Variants in METTL16 observed in about 807,000 individuals in gnomAD.
METTL16 encodes the protein methyltransferase 16, RNA N6-adenosine, also known as RNA N(6)-adenosine-methyltransferase METTL16.
A neutral mutation model predicts 57.9 loss-of-function variants in METTL16; 19 were observed. The observed-to-expected ratio is 0.33, with a 90% confidence interval of 0.23 to 0.48. The LOEUF (loss-of-function observed/expected upper bound fraction) is 0.48. Ranked by LOEUF, METTL16 falls within the 20% of genes least tolerant of loss-of-function variation. The probability of loss-of-function intolerance (pLI) is 0.99; values close to 1 mark genes in which losing one functional copy is unlikely to be tolerated. For missense variants in METTL16, 434 were observed against 691.5 expected, an observed-to-expected ratio of 0.63 and a Z score of 4.18; for synonymous variants, 246 against 255.6, an observed-to-expected ratio of 0.96 and a Z score of 0.36.
In METTL16 at chr17:2,417,068, T is replaced by TTTTTTTTTTTTTC. The variant is rs2082709556; in HGVS notation, c.*2901_*2902insGAAAAAAAAAAAA. ...CCTGCTCATGGGTTCCTTTTTTTTT[T>TTTTTTTTTTTTTC]TTTTTTTTTTTTTTTTTGAGACAGT... On this transcript the variant is annotated 3_prime_UTR_variant, in exon 10 of 10. Coordinates refer to ENST00000263092, the MANE Select transcript of METTL16 (RefSeq NM_024086.4). 1.6e-5 allele frequency: 2 copies of TTTTTTTTTTTTTC among 121,364 alleles called. No homozygotes were observed. Among genetic ancestry groups the TTTTTTTTTTTTTC allele is most frequent in the Non-Finnish European group, 3.4e-5 (2 of 59,290 alleles). 7.5% of individuals were successfully genotyped at this position (121,364 alleles called of 1,614,324 possible).
intron 6 of METTL16, among the ~76,000 whole-genome samples, chr17:2,446,152 C>G (rs1203721695): frequency 6.6e-6 from 1 of 151,996 alleles, no homozygotes; most frequent in African/African-American, 2.4e-5. Context: ...ATCTAAGAAA[C>G]AAACAAAACC....
chr17:2,494,959 C>T (rs568620375), intron 2 of METTL16, among the ~76,000 whole-genome samples: 21 of 151,772 alleles, frequency 1.4e-4, no homozygotes, highest in Non-Finnish European at 2.8e-4. Flanking sequence ...ATTTAAGAAA[C>T]ATTTTAAGGC....
chr17:2,478,155 G>T (rs998957947), intron 2 of METTL16, among the ~76,000 whole-genome samples: 2 of 152,134 alleles, frequency 1.3e-5, no homozygotes, highest in Admixed American at 6.5e-5. Context: ...CTGTCTCGTC[G>T]TCTCCTCACT....
chr17:2,448,148 C>T (rs2067028219), intron 6 of METTL16, among the ~76,000 whole-genome samples: 3 of 146,722 alleles, frequency 2.0e-5, no homozygotes, highest in African/African-American at 5.0e-5. Flanking sequence ...CCCGGCCGGC[C>T]GCCCCGTCCG....
chr17:2,446,791 C>T (rs947707302), intron 6 of METTL16, among the ~76,000 whole-genome samples: 2 of 152,146 alleles, frequency 1.3e-5, no homozygotes, highest in Non-Finnish European at 2.9e-5. Context: ...CTGTGTTGGC[C>T]GGGCTGGTCT....
In METTL16 at chr17:2,417,503, T is replaced by C. The variant is rs1472875265; in HGVS notation, c.*2467A>G. ...CTGTGCTTCAATACACAGAGCATTC[T>C]CTGGAAATCCCTACGACACAGGCTT... On this transcript the variant is annotated 3_prime_UTR_variant, in exon 10 of 10. Transcript: ENST00000263092. 1.3e-5 allele frequency: 2 copies of C among 152,184 alleles called. No individual in the cohort carries two copies. Among genetic ancestry groups the C allele is most frequent in the African/African-American group, 4.8e-5 (2 of 41,436 alleles). 9.4% of individuals were successfully genotyped at this position (152,184 alleles called of 1,614,324 possible). A position where few individuals can be genotyped will look rare whatever the true frequency, so the allele number is the denominator to read the frequency against.
intron 6 of METTL16, among the ~76,000 whole-genome samples, chr17:2,451,435 A>T (rs1244371055): frequency 6.6e-6 from 1 of 152,096 alleles, no homozygotes; most frequent in Non-Finnish European, 1.5e-5. Flanking sequence ...CCTGGCCAAC[A>T]TGGGAAACCC....
chr17:2,492,043 C>G (rs543907245), intron 2 of METTL16, among the ~76,000 whole-genome samples: 124 of 151,178 alleles, frequency 8.2e-4, no homozygotes, highest in African/African-American at 2.9e-3. Context: ...AACCCTGTCT[C>G]TACTAAAAAT....
chr17:2,444,464 TA>T (rs899420566), intron 6 of METTL16, among the ~76,000 whole-genome samples: 1 of 151,926 alleles, frequency 6.6e-6, no homozygotes, highest in Non-Finnish European at 1.5e-5. Context: ...TAAAATAAAG[TA>T]AAATAAAATA....
At position 2,416,974 on chromosome 17, in the gene METTL16, A is replaced by G. The variant is rs1324757636; in HGVS notation, c.*2996T>C. ...TTCTCTCACTAGGTAGCCTAAGAAA[A>G]TCTTCTCAGGGAAGGAAATGGAAAC... On this transcript the variant is annotated 3_prime_UTR_variant, in exon 10 of 10. Coordinates refer to ENST00000263092, the MANE Select transcript of METTL16 (RefSeq NM_024086.4). 6.6e-6 allele frequency: 1 copy of G among 151,508 alleles called. No individual in the cohort carries two copies. The highest frequency in any genetic ancestry group is 1.5e-5 in the Non-Finnish European group (1 of 68,074). 9.4% of individuals were successfully genotyped at this position (151,508 alleles called of 1,614,324 possible).
In METTL16 at chr17:2,466,213, G is replaced by C. The variant is rs866365690; in HGVS notation, c.585+1548C>G. Among the ~76,000 whole-genome samples the C allele has an allele frequency of 3.3e-4, 44 of 134,158 alleles. 1 individual carries two copies. Among genetic ancestry groups the C allele is most frequent in the African/African-American group, 1.1e-3 (37 of 35,208 alleles). 88.0% of individuals were successfully genotyped at this position (134,158 alleles called of 152,430 possible). A position where few individuals can be genotyped will look rare whatever the true frequency, so the allele number is the denominator to read the frequency against. ...TGTCACAAAAAAAAAAAAAAAAAAAGCCACTTAACAGTAAAAACATTGATT... is the reference window on the plus strand; with the variant it reads ...TGTCACAAAAAAAAAAAAAAAAAAACCCACTTAACAGTAAAAACATTGATT... On this transcript the variant is annotated intron_variant, in intron 5 of 9. Coordinates refer to ENST00000263092, the MANE Select transcript of METTL16 (RefSeq NM_024086.4).
chr17:2,472,083 C>T (rs747348508), intron 4 of METTL16, among the ~76,000 whole-genome samples: 4 of 150,804 alleles, frequency 2.7e-5, no homozygotes, highest in Non-Finnish European at 5.9e-5. Context: ...CATTGCATTC[C>T]AGCCTGGGGA....
At chr17:2,427,027 C>T (rs1489481579) in intron 8 of METTL16, among the ~76,000 whole-genome samples, 1 of 151,698 alleles carries the variant, frequency 6.6e-6, no homozygotes, top group Non-Finnish European at 1.5e-5. Flanking sequence ...CCTGTAATCC[C>T]AGCTGCTCGG....
chr17:2,461,769 G>A (rs1208623106), intron 6 of METTL16, among the ~76,000 whole-genome samples: 1 of 151,956 alleles, frequency 6.6e-6, no homozygotes, highest in South Asian at 2.1e-4. Context: ...ACTAGAGACG[G>A]GGTTTCACCA....
At chr17:2,447,693 CGGGAGGG>C (rs2067016260) in intron 6 of METTL16, among the ~76,000 whole-genome samples, 1 of 139,354 alleles carries the variant, frequency 7.2e-6, no homozygotes, top group Non-Finnish European at 1.6e-5. Flanking sequence ...CCGCCCCGTC[CGGGAGGG>C]GGGAGGGGGG....
intron 1 of METTL16, among the ~76,000 whole-genome samples, chr17:2,509,221 CAATA>C (rs1355795719): frequency 1.3e-5 from 2 of 152,172 alleles, no homozygotes; most frequent in African/African-American, 2.4e-5. Flanking sequence ...AACCTGTATA[CAATA>C]AATATTTTTT....
chr17:2,444,024 AT>A (rs1179418494), intron 6 of METTL16, among the ~76,000 whole-genome samples: 1 of 152,220 alleles, frequency 6.6e-6, no homozygotes, highest in Non-Finnish European at 1.5e-5. Flanking sequence ...TAGACTTAAA[AT>A]GTTCTCACCA....
At chr17:2,464,459 A>G in intron 5 of METTL16, 109 bp from the exon 6 acceptor site, 1 of 1,032,842 alleles carries the variant, frequency 9.7e-7, no homozygotes, top group East Asian at 2.6e-5. Flanking sequence ...TTACTTTCCA[A>G]ATAGTATGCT....
chr17:2,502,013 T>G (rs2067492421), intron 2 of METTL16, among the ~76,000 whole-genome samples, 191 bp downstream of exon 2: 1 of 152,074 alleles, frequency 6.6e-6, no homozygotes, highest in Non-Finnish European at 1.5e-5. Flanking sequence ...GAAGGAAACT[T>G]AAAAGCATCT....
Sources: gnomAD v4.1 joint callset for allele counts (sites outside exome capture counted in the v4.1 genomes callset) on GRCh38, gnomAD v4.1.1 for gene constraint, MANE v1.5 for transcripts, NCBI Gene and HGNC (gene_info 2026-07-23, HGNC 2026-07-21) for gene names.